GNAI1: variants seen among roughly 807,000 people sequenced by gnomAD.
The protein encoded by GNAI1 is guanine nucleotide-binding protein G(i) subunit alpha-1.
A neutral mutation model predicts 38.9 loss-of-function variants in GNAI1; 11 were observed. The ratio of observed to expected loss-of-function variants is 0.28; its 90% CI spans 0.18 to 0.47. The LOEUF (loss-of-function observed/expected upper bound fraction) is 0.47. Among genes scored for constraint, GNAI1 ranks in the 20% least tolerant of loss-of-function variants. The pLI is 0.99. For missense variants in GNAI1, 317 were observed against 436.9 expected (o/e 0.73, Z 2.45); for synonymous variants, 166 against 145.1 (o/e 1.14, Z -1.04).
At chr7:80,168,383 T>TATTC (rs1788047012) in intron 1 of GNAI1, among the ~76,000 whole-genome samples, 1 of 151,560 alleles carries the variant, frequency 6.6e-6, no homozygotes, top group South Asian at 2.1e-4. Context: ...TTAATTATTT[T>TATTC]ATTTATTTAT....
At chr7:80,161,172 T>C (rs1787918523) in intron 1 of GNAI1, among the ~76,000 whole-genome samples, 1 of 152,186 alleles carries the variant, frequency 6.6e-6, no homozygotes, top group Non-Finnish European at 1.5e-5. Context: ...AGGATATGGT[T>C]TGTGAGAAGC....
chr7:80,143,201 T>C (rs1185412736), intron 1 of GNAI1, among the ~76,000 whole-genome samples: 3 of 152,178 alleles, frequency 2.0e-5, no homozygotes, highest in Non-Finnish European at 4.4e-5. Context: ...ACCAGATCCT[T>C]AAGAGAATTT....
At chr7:80,194,140 T>C (rs1374736425) in intron 3 of GNAI1, among the ~76,000 whole-genome samples, 1 of 152,218 alleles carries the variant, frequency 6.6e-6, no homozygotes, top group Non-Finnish European at 1.5e-5. Flanking sequence ...CTTAGCACTC[T>C]GGGCAGCCAA....
intron 1 of GNAI1, among the ~76,000 whole-genome samples, chr7:80,179,086 A>C (rs1373281921): frequency 2.0e-5 from 3 of 152,246 alleles, no homozygotes; most frequent in Admixed American, 6.5e-5. Context: ...AATGCAAAAC[A>C]GTGCTACTTG....
chr7:80,138,542 ATTG>A (rs1420096907), intron 1 of GNAI1, among the ~76,000 whole-genome samples: 1 of 152,118 alleles, frequency 6.6e-6, no homozygotes, highest in Non-Finnish European at 1.5e-5. Flanking sequence ...ATTATTTTTT[ATTG>A]TTATATCTTT....
In GNAI1 at chr7:80,199,374, T is replaced by G. The variant is rs755027213; in HGVS notation, c.453T>G (p.Ser151=). ...NRSREYQLND[S]AAYYLNDLDR... is the part of the protein sequence containing the mutation. ...CCCGAGAGTACCAGCTTAATGATTC[T>G]GCAGCATAGTAAGTAATCATAACTT... Residue 151 remains serine, a synonymous_variant, in exon 4 of 8, where the codon TCT becomes TCG. Coordinates refer to ENST00000649796, the MANE Select transcript of GNAI1 (RefSeq NM_002069.6). 3 of 1,598,908 alleles carry G rather than the reference T, an allele frequency of 1.9e-6. No homozygotes were observed. Among genetic ancestry groups the G allele is most frequent in the Admixed American group, 1.7e-5 (1 of 58,624 alleles).
At chr7:80,213,884 CAG>C (rs753555553) in intron 7 of GNAI1, among the ~76,000 whole-genome samples, 4 of 151,458 alleles carry the variant, frequency 2.6e-5, no homozygotes, top group African/African-American at 7.3e-5. Flanking sequence ...TTTTTATAAA[CAG>C]AATTTTCCTC....
intron 3 of GNAI1, among the ~76,000 whole-genome samples, chr7:80,196,969 A>G (rs1788588601): frequency 6.6e-6 from 1 of 151,986 alleles, no homozygotes; most frequent in African/African-American, 2.4e-5. Context: ...CGAATACAGT[A>G]CTTTTTAATT....
Position 80,203,845 on chromosome 7 carries a change from G to T in GNAI1, c.590+13G>T. 1 of 1,412,000 alleles carries T rather than the reference G, an allele frequency of 7.1e-7. No individual in the cohort carries two copies. Among genetic ancestry groups the T allele is most frequent in the South Asian group, 1.3e-5 (1 of 79,700 alleles). 87.5% of individuals were successfully genotyped at this position (1,412,000 alleles called of 1,614,324 possible). A position where few individuals can be genotyped will look rare whatever the true frequency, so the allele number is the denominator to read the frequency against. ...ATCTTCATTTTAAGTGAGTAGCTTT[G>T]AAATATATGATTTCTAAATTTAGAT... On this transcript the variant is annotated intron_variant, in intron 5 of 7. Coordinates refer to ENST00000649796, the MANE Select transcript of GNAI1 (RefSeq NM_002069.6).
chr7:80,139,587 T>C (rs976907217), intron 1 of GNAI1, among the ~76,000 whole-genome samples: 3 of 152,230 alleles, frequency 2.0e-5, no homozygotes, highest in Non-Finnish European at 4.4e-5. Context: ...CCTTCTATTT[T>C]ATTATGTGTA....
At chr7:80,155,100 A>G (rs1463081202) in intron 1 of GNAI1, among the ~76,000 whole-genome samples, 2 of 152,196 alleles carry the variant, frequency 1.3e-5, no homozygotes, top group Admixed American at 1.3e-4. Context: ...ATGTATTTCT[A>G]ACTGAAGTGA....
At chr7:80,159,672 T>A (rs781394942) in intron 1 of GNAI1, among the ~76,000 whole-genome samples, 4 of 152,192 alleles carry the variant, frequency 2.6e-5, no homozygotes, top group Admixed American at 6.5e-5. Context: ...GTTTCCTGTT[T>A]GGATGGTGGA....
intron 1 of GNAI1, among the ~76,000 whole-genome samples, chr7:80,150,674 T>A (rs1289423786): frequency 6.6e-6 from 1 of 152,210 alleles, no homozygotes; most frequent in Non-Finnish European, 1.5e-5. Context: ...GACACACAGA[T>A]GTTTATTATC....
At chr7:80,200,324 C>A (rs200615762) in intron 4 of GNAI1, among the ~76,000 whole-genome samples, 105 of 40,352 alleles carry the variant, frequency 2.6e-3, no homozygotes, top group African/African-American at 2.6e-3. Flanking sequence ...GGCCATGTCT[C>A]AAAAAAAAAA....
intron 1 of GNAI1, among the ~76,000 whole-genome samples, chr7:80,187,686 C>T (rs1293990000): frequency 1.3e-5 from 2 of 152,050 alleles, no homozygotes; most frequent in East Asian, 3.9e-4. Flanking sequence ...AGTGAAAATC[C>T]TGGGCCCGGT....
intron 1 of GNAI1, among the ~76,000 whole-genome samples, chr7:80,141,395 C>A (rs902712762): frequency 6.6e-6 from 1 of 152,128 alleles, no homozygotes; most frequent in Non-Finnish European, 1.5e-5. Context: ...GTTTGTGGAC[C>A]TGTGAAACTA....
chr7:80,190,019 T>C (rs982033320), intron 3 of GNAI1, among the ~76,000 whole-genome samples: 1 of 152,098 alleles, frequency 6.6e-6, no homozygotes, highest in African/African-American at 2.4e-5. Flanking sequence ...TTATTTTTAC[T>C]AGTATTTATT....
intron 4 of GNAI1, among the ~76,000 whole-genome samples, chr7:80,203,061 T>C (rs997438036): frequency 2.6e-5 from 4 of 152,202 alleles, no homozygotes; most frequent in Admixed American, 6.5e-5. Context: ...ACTTAATCTC[T>C]TACATTGCAT....
At chr7:80,198,766 A>G (rs902104287) in intron 3 of GNAI1, among the ~76,000 whole-genome samples, 1 of 152,166 alleles carries the variant, frequency 6.6e-6, no homozygotes, top group Admixed American at 6.5e-5. Flanking sequence ...CTTTGCAACT[A>G]TAAGGTATAT....
Sources: allele counts gnomAD v4.1 joint callset (sites outside exome capture counted in the v4.1 genomes callset), GRCh38; gene constraint gnomAD v4.1.1; transcripts MANE v1.5; gene names NCBI Gene and HGNC (gene_info 2026-07-23, HGNC 2026-07-21).